The following CDH13 variants were observed in gnomAD, a reference collection of about 807,000 sequenced individuals.
CDH13 encodes the protein cadherin-13.
CDH13 carries 24 observed loss-of-function variants against 63.8 expected under a neutral mutation model. The observed-to-expected ratio is 0.38, with a 90% CI of 0.27 to 0.53. The LOEUF (loss-of-function observed/expected upper bound fraction) is 0.53, where lower values mean the gene tolerates loss of function less well. CDH13 is among the 20% of genes least tolerant of loss of function. CDH13 has a pLI of 0.85. For missense variants in CDH13, 1,049 were observed against 903.1 expected (o/e 1.16, Z -2.07); for synonymous variants, 503 against 355.3 (o/e 1.42, Z -4.67).
intron 2 of CDH13, among the ~76,000 whole-genome samples, chr16:82,929,651 CAAAAAAAAAAAAAAAAAAAAA>C (rs71146097): frequency 2.3e-5 from 1 of 44,272 alleles, no homozygotes; most frequent in Non-Finnish European, 3.3e-5. Flanking sequence ...GACTCCATCT[CAAAAAAAAAAAAAAAAAAAAA>C]AAAAAAAAAA....
chr16:83,301,189 G>T (rs1206067121), intron 5 of CDH13, among the ~76,000 whole-genome samples: 3 of 151,360 alleles, frequency 2.0e-5, no homozygotes, highest in Non-Finnish European at 4.4e-5. Context: ...CCACCACCAC[G>T]CCCGGCTAAT....
intron 2 of CDH13, among the ~76,000 whole-genome samples, chr16:83,016,222 A>C (rs1914780637): frequency 6.6e-6 from 1 of 152,200 alleles, no homozygotes; most frequent in Non-Finnish European, 1.5e-5. Context: ...GTATGCACAC[A>C]AGAATTAATT....
At chr16:83,469,356 C>G (rs1427036938) in intron 6 of CDH13, among the ~76,000 whole-genome samples, 2 of 152,128 alleles carry the variant, frequency 1.3e-5, no homozygotes, top group Non-Finnish European at 2.9e-5. Flanking sequence ...GGCAAGTTAT[C>G]CTGAGGAAGA....
At chr16:83,176,569 T>C (rs1275036445) in intron 4 of CDH13, among the ~76,000 whole-genome samples, 1 of 151,706 alleles carries the variant, frequency 6.6e-6, no homozygotes, top group African/African-American at 2.4e-5. Context: ...TAGGTGTTTT[T>C]AGTGGAACAT....
At chr16:82,833,560 C>T (rs1018411385) in intron 1 of CDH13, among the ~76,000 whole-genome samples, 21 of 152,226 alleles carry the variant, frequency 1.4e-4, no homozygotes, top group African/African-American at 5.1e-4. Context: ...TCTGGACCTC[C>T]CTTAACCATT....
chr16:82,939,008 G>A (rs1384070438), intron 2 of CDH13, among the ~76,000 whole-genome samples: 1 of 152,166 alleles, frequency 6.6e-6, no homozygotes, highest in Non-Finnish European at 1.5e-5. Context: ...AAGCCTTCAG[G>A]CACAGAACTG....
At chr16:83,525,785 A>T (rs544765109) in intron 7 of CDH13, among the ~76,000 whole-genome samples, 2 of 152,194 alleles carry the variant, frequency 1.3e-5, no homozygotes, top group East Asian at 3.9e-4. Context: ...AAATGAAAGA[A>T]TTTTTTCTGG....
chr16:83,761,163 G>C (rs1044261904), intron 11 of CDH13, among the ~76,000 whole-genome samples: 2 of 152,162 alleles, frequency 1.3e-5, no homozygotes, highest in Non-Finnish European at 2.9e-5. Flanking sequence ...TGTCAAAAGA[G>C]CAGGACTGAA....
chr16:83,040,923 C>G (rs946134814), intron 3 of CDH13, among the ~76,000 whole-genome samples: 1 of 152,150 alleles, frequency 6.6e-6, no homozygotes, highest in South Asian at 2.1e-4. Flanking sequence ...CCAACATGAC[C>G]AAATTCTATG....
intron 1 of CDH13, among the ~76,000 whole-genome samples, chr16:82,656,376 G>C (rs912422923): frequency 1.3e-5 from 2 of 151,902 alleles, no homozygotes; most frequent in African/African-American, 4.8e-5. Flanking sequence ...GAGGAAGACA[G>C]GTTGGCACCT....
At chr16:83,087,758 A>T (rs1156658660) in intron 3 of CDH13, among the ~76,000 whole-genome samples, 1 of 150,304 alleles carries the variant, frequency 6.7e-6, no homozygotes, top group South Asian at 2.1e-4. Flanking sequence ...ACTTTCATTG[A>T]ATTTTTAAAC....
Position 82,867,091 on chromosome 16 carries a change from G to C in CDH13, c.157+8618G>C, listed in dbSNP as rs377332744. On this transcript the variant is annotated intron_variant, in intron 2 of 13. Coordinates refer to ENST00000567109, the MANE Select transcript of CDH13 (RefSeq NM_001257.5). ...TCCCTAGTGTGTTGAGGGCCACCTC[G>C]AACCTCACAACAGCTCTTAGGGGAA... Among the ~76,000 whole-genome samples, 48 of 152,272 alleles carry C rather than the reference G, an allele frequency of 3.2e-4. No homozygotes were observed. In the South Asian group the frequency reaches 4.6e-3, roughly 14 times the overall value.
intron 2 of CDH13, among the ~76,000 whole-genome samples, chr16:82,910,478 T>A (rs977889704): frequency 2.6e-5 from 4 of 152,218 alleles, no homozygotes; most frequent in Non-Finnish European, 5.9e-5. Flanking sequence ...TATTTATTCA[T>A]GTTTTATTAG....
chr16:83,775,668 C>T (rs866681300), intron 11 of CDH13, among the ~76,000 whole-genome samples: 2 of 151,702 alleles, frequency 1.3e-5, no homozygotes, highest in East Asian at 1.9e-4. Flanking sequence ...GAGCCAAGAT[C>T]GTGCCACACT....
At chr16:83,379,572 C>T (rs1024584591) in intron 6 of CDH13, among the ~76,000 whole-genome samples, 6 of 152,146 alleles carry the variant, frequency 3.9e-5, no homozygotes, top group South Asian at 4.1e-4. Context: ...GTATGCACAA[C>T]TTGATCATGA....
intron 2 of CDH13, among the ~76,000 whole-genome samples, chr16:82,860,031 A>C (rs2039873276): frequency 1.3e-5 from 2 of 152,046 alleles, no homozygotes; most frequent in African/African-American, 4.8e-5. Context: ...TTGTCTTTTC[A>C]TTTTTGTATT....
At chr16:83,714,264 C>G (rs943794026) in intron 10 of CDH13, among the ~76,000 whole-genome samples, 1 of 152,038 alleles carries the variant, frequency 6.6e-6, no homozygotes, top group Admixed American at 6.5e-5. Context: ...GTGTCTTGCC[C>G]CAAGTGCTAT....
rs1325455817 is a variant in CDH13 at position 82,745,864 on chromosome 16, AT to A, written c.46-112494del. Among the ~76,000 whole-genome samples, 30 of 152,088 alleles carry A rather than the reference AT, an allele frequency of 2.0e-4. 1 individual carries two copies. Among genetic ancestry groups the A allele is most frequent in the Admixed American group, 1.8e-3 (28 of 15,268 alleles). Reference sequence around the variant, plus strand: ...CAAACACCAAATTTGGTCCTCTGTTATTTTACTTCCAGAAAATAATTTTTTA... The same window carrying A: ...CAAACACCAAATTTGGTCCTCTGTTATTTACTTCCAGAAAATAATTTTTTA... On this transcript the variant is annotated intron_variant, in intron 1 of 13. Coordinates refer to ENST00000567109, the MANE Select transcript of CDH13 (RefSeq NM_001257.5).
chr16:82,886,305 G>A (rs1179152764), intron 2 of CDH13, among the ~76,000 whole-genome samples: 1 of 152,286 alleles, frequency 6.6e-6, no homozygotes, highest in East Asian at 1.9e-4. Context: ...TGTACACATT[G>A]CAAAGCTGAA....
Sources: gnomAD v4.1 joint callset for allele counts (sites outside exome capture counted in the v4.1 genomes callset) on GRCh38, gnomAD v4.1.1 for gene constraint, MANE v1.5 for transcripts, NCBI Gene and HGNC (gene_info 2026-07-23, HGNC 2026-07-21) for gene names.